AMBRA1: variants seen among roughly 807,000 people sequenced by gnomAD.
AMBRA1 encodes autophagy and beclin 1 regulator 1.
Under a neutral mutation model 125.4 loss-of-function variants are expected in AMBRA1, and 47 were observed. That is an observed-to-expected ratio of 0.37 (90% CI 0.30 to 0.48). AMBRA1 has a LOEUF of 0.48. AMBRA1 is among the 20% of genes least tolerant of loss of function. The pLI is 0.99. For synonymous variants in AMBRA1, 626 were observed against 655.5 expected, an observed-to-expected ratio of 0.95 and a Z score of 0.69; for missense variants, 1,331 against 1,693.4, an observed-to-expected ratio of 0.79 and a Z score of 3.76.
chr11:46,399,795 C>T (rs191472160), intron 17 of AMBRA1, among the ~76,000 whole-genome samples: 27 of 152,258 alleles, frequency 1.8e-4, no homozygotes, highest in Admixed American at 1.6e-3. Context: ...CCATATTTCC[C>T]GGAAAAGAGT....
intron 1 of AMBRA1, among the ~76,000 whole-genome samples, chr11:46,568,803 C>CTTTTTTTTTTTTTTTTTTTT (rs774631588): frequency 2.6e-4 from 25 of 96,474 alleles, no homozygotes; most frequent in African/African-American, 1.2e-3. Flanking sequence ...TCAACCCTAC[C>CTTTTTTTTTTTTTTTTTTTT]TTTTTTTTTT....
intron 1 of AMBRA1, among the ~76,000 whole-genome samples, chr11:46,568,803 C>CTTTT (rs774631588): frequency 1.6e-4 from 15 of 96,468 alleles, no homozygotes; most frequent in Non-Finnish European, 2.0e-4. Flanking sequence ...TCAACCCTAC[C>CTTTT]TTTTTTTTTT....
intron 1 of AMBRA1, among the ~76,000 whole-genome samples, chr11:46,578,252 C>T (rs1336996668): frequency 1.3e-5 from 2 of 151,956 alleles, no homozygotes; most frequent in Non-Finnish European, 2.9e-5. Context: ...CTTAGGAAGC[C>T]GAGGCGGGTG....
intron 1 of AMBRA1, among the ~76,000 whole-genome samples, chr11:46,567,707 C>A (rs539066221): frequency 6.6e-6 from 1 of 151,590 alleles, no homozygotes; most frequent in African/African-American, 2.4e-5. Flanking sequence ...GACAAGATGA[C>A]CCCACCCCAA....
chr11:46,583,946 A>G lies in AMBRA1; in HGVS notation c.-121+9882T>C, dbSNP rs376197572. On this transcript the variant is annotated intron_variant, in intron 1 of 17. Coordinates refer to ENST00000683756, the MANE Select transcript of AMBRA1 (RefSeq NM_001387011.1). ...GGTGGGACTGTAAACTAGTTCAACC[A>G]TTGTGGAAGTCAGTGTGGCGATTCC... 1.5e-4 allele frequency among the ~76,000 whole-genome samples: 21 copies of G among 142,710 alleles called. No individual in the cohort carries two copies. The East Asian group carries it at 1.8e-3, about 12-fold the overall frequency. The allele number at this position is 142,710 out of a possible 152,430, so 93.6% of individuals were successfully genotyped here. A position where few individuals can be genotyped will look rare whatever the true frequency, so the allele number is the denominator to read the frequency against.
chr11:46,471,208 C>T (rs1025616247), intron 11 of AMBRA1, among the ~76,000 whole-genome samples: 1 of 151,724 alleles, frequency 6.6e-6, no homozygotes, highest in South Asian at 2.1e-4. Context: ...TTGGGAGGCT[C>T]GGGCGGGCGG....
chr11:46,563,961 A>G (rs1054972569), intron 1 of AMBRA1, among the ~76,000 whole-genome samples: 5 of 151,594 alleles, frequency 3.3e-5, no homozygotes, highest in African/African-American at 9.7e-5. Flanking sequence ...CCTGACCAAC[A>G]TGGAGAAACC....
At chr11:46,570,192 C>A (rs556325986) in intron 1 of AMBRA1, among the ~76,000 whole-genome samples, 85 of 146,336 alleles carry the variant, frequency 5.8e-4, no homozygotes, top group African/African-American at 2.0e-3. Context: ...AACCTGGGAG[C>A]CAGAGGTTGC....
chr11:46,506,559 AG>A (rs1298371403), intron 9 of AMBRA1, among the ~76,000 whole-genome samples: 2 of 152,184 alleles, frequency 1.3e-5, no homozygotes, highest in Non-Finnish European at 2.9e-5. Context: ...AAGAAAGCTG[AG>A]GGGGAGATGA....
chr11:46,536,062 C>G (rs1157358735), intron 7 of AMBRA1, among the ~76,000 whole-genome samples: 1 of 152,208 alleles, frequency 6.6e-6, no homozygotes, highest in Non-Finnish European at 1.5e-5. Flanking sequence ...GCCAATGACT[C>G]TCTGTAAGAC....
intron 7 of AMBRA1, among the ~76,000 whole-genome samples, chr11:46,522,479 C>A (rs1434693720): frequency 6.6e-6 from 1 of 152,046 alleles, no homozygotes; most frequent in Non-Finnish European, 1.5e-5. Context: ...AATTTACCAT[C>A]AGAGGCTTTT....
intron 7 of AMBRA1, among the ~76,000 whole-genome samples, chr11:46,516,185 T>G (rs1591004146): frequency 6.6e-6 from 1 of 152,148 alleles, no homozygotes; most frequent in Non-Finnish European, 1.5e-5. Flanking sequence ...ATAGTGGAAC[T>G]GGCAAGCCAC....
intron 7 of AMBRA1, among the ~76,000 whole-genome samples, chr11:46,532,475 T>G (rs1952261999): frequency 6.6e-6 from 1 of 152,186 alleles, no homozygotes; most frequent in Non-Finnish European, 1.5e-5. Context: ...TTCTCTCTTT[T>G]GCCGAGGCTG....
intron 11 of AMBRA1, among the ~76,000 whole-genome samples, chr11:46,490,503 T>C (rs1950422140): frequency 6.6e-6 from 1 of 152,224 alleles, no homozygotes; most frequent in South Asian, 2.1e-4. Flanking sequence ...TTCAGTCTCT[T>C]GTGGGAGGAA....
At chr11:46,416,652 C>T (rs138903464) in intron 15 of AMBRA1, among the ~76,000 whole-genome samples, 1 of 152,332 alleles carries the variant, frequency 6.6e-6, no homozygotes, top group African/African-American at 2.4e-5. Flanking sequence ...AAAGGCAACA[C>T]GGACACTTCC....
At chr11:46,545,461 C>CA (rs893985619) in intron 5 of AMBRA1, 143 bp downstream of exon 5, 18,604 of 798,404 alleles carry the variant, frequency 0.023, no homozygotes, top group Middle Eastern at 0.032. Flanking sequence ...CACCCTGTCT[C>CA]AAAAAAAAAA....
chr11:46,435,064 G>T, intron 12 of AMBRA1, 27 bp from the exon 13 acceptor site: 1 of 1,561,462 alleles, frequency 6.4e-7, no homozygotes. Context: ...AAGAAAAGAG[G>T]ATAAGAAACT....
At chr11:46,566,948 G>A (rs929050043) in intron 1 of AMBRA1, among the ~76,000 whole-genome samples, 4 of 152,140 alleles carry the variant, frequency 2.6e-5, no homozygotes, top group Non-Finnish European at 5.9e-5. Flanking sequence ...CCCAGGAGGC[G>A]GAGGGTGCAG....
intron 9 of AMBRA1, among the ~76,000 whole-genome samples, chr11:46,506,383 C>G (rs989674897): frequency 6.6e-6 from 1 of 152,226 alleles, no homozygotes; most frequent in African/African-American, 2.4e-5. Context: ...CCTTTTGCTT[C>G]TAAGAGCACA....
Sources: gnomAD v4.1 joint callset for allele counts (sites outside exome capture counted in the v4.1 genomes callset) on GRCh38, gnomAD v4.1.1 for gene constraint, MANE v1.5 for transcripts, NCBI Gene and HGNC (gene_info 2026-07-23, HGNC 2026-07-21) for gene names.